RBFOX3: variants seen among roughly 807,000 people sequenced by gnomAD.
RBFOX3 encodes the protein RNA binding protein fox-1 homolog 3.
Under a neutral mutation model 48.7 loss-of-function variants are expected in RBFOX3, and 17 were observed. The ratio of observed to expected loss-of-function variants is 0.35; its 90% CI spans 0.24 to 0.52. RBFOX3 has a LOEUF of 0.52. Ranked by LOEUF, RBFOX3 falls within the 20% of genes least tolerant of loss-of-function variation. The pLI, the probability that RBFOX3 is intolerant of heterozygous loss-of-function variation, is 0.94. For synonymous variants in RBFOX3, 212 were observed against 209.5 expected (o/e 1.01, Z -0.10); for missense variants, 382 against 497.5 (o/e 0.77, Z 2.21).
the RBFOX3 span, among the ~76,000 whole-genome samples, chr17:79,650,608 C>G: frequency 2.6e-5 from 4 of 152,132 alleles, no homozygotes; most frequent in Non-Finnish European, 5.9e-5. Flanking sequence ...TACTGAAGGA[C>G]TATTAAACAG....
intron 1 of RBFOX3, among the ~76,000 whole-genome samples, chr17:79,490,990 G>C: frequency 7.1e-6 from 1 of 140,356 alleles, no homozygotes. Context: ...AGGTGTTCTG[G>C]CTTCCTAGGG....
At chr17:79,450,152 A>G (rs782401125) in intron 2 of RBFOX3, among the ~76,000 whole-genome samples, 1 of 152,206 alleles carries the variant, frequency 6.6e-6, no homozygotes, top group Non-Finnish European at 1.5e-5. Flanking sequence ...CTCTCTCAAC[A>G]TGGATGCCAG....
Position 79,199,283 on chromosome 17 carries a change from G to A in RBFOX3, c.-34+36483C>T, listed in dbSNP as rs1056948013. Among the ~76,000 whole-genome samples, 7 of 152,252 alleles carry A rather than the reference G, an allele frequency of 4.6e-5. No homozygotes were observed. Among genetic ancestry groups the A allele is most frequent in the Non-Finnish European group, 7.4e-5 (5 of 68,020 alleles). ...GCAGCACCACCCACCAGCCCCTTCC[G>A]GTGGACTTCACACCTGCACGGCACC... On this transcript the variant is annotated intron_variant, in intron 4 of 14. Transcript: ENST00000693108. This position sits in a 1 kb window ranked among gnomAD's most constrained non-coding sequence, Gnocchi z 5.1.
chr17:79,490,940 G>A (rs1043310234), intron 1 of RBFOX3, among the ~76,000 whole-genome samples: 26 of 148,814 alleles, frequency 1.7e-4, no homozygotes, highest in Non-Finnish European at 2.7e-4. Flanking sequence ...CATGGGTGAC[G>A]GGTGTCTAGG....
chr17:79,317,857 G>A (rs1196910559), intron 2 of RBFOX3, among the ~76,000 whole-genome samples: 1 of 152,162 alleles, frequency 6.6e-6, no homozygotes, highest in African/African-American at 2.4e-5. Context: ...GATTCGATCT[G>A]GCTGGCAAAT....
At chr17:79,090,966 A>C in intron 14 of RBFOX3, 81 bp from the exon 15 acceptor site, 2 of 1,416,674 alleles carry the variant, frequency 1.4e-6, no homozygotes, top group Non-Finnish European at 1.9e-6. Flanking sequence ...ACCACGTGGC[A>C]CGGGGCCCCT....
At chr17:79,139,862 T>C (rs2041555588) in intron 4 of RBFOX3, among the ~76,000 whole-genome samples, 1 of 152,202 alleles carries the variant, frequency 6.6e-6, no homozygotes, top group African/African-American at 2.4e-5. Context: ...GACGTCTTGC[T>C]GACTTCATCC....
chr17:79,176,692 G>A lies in RBFOX3; in HGVS notation c.-34+59074C>T, dbSNP rs1231510829. ...GGGGCCTAGTTAGAGCCTGGGGGAT[G>A]AGGAGGGGCTGGAATCTTCCGGGAG... On this transcript the variant is annotated intron_variant, in intron 4 of 14. Coordinates refer to ENST00000693108, the MANE Select transcript of RBFOX3 (RefSeq NM_001350451.2). Among the ~76,000 whole-genome samples the A allele has an allele frequency of 2.0e-5, 3 of 152,282 alleles. No homozygotes were observed. The East Asian group carries it at 5.8e-4, about 29-fold the overall frequency.
chr17:79,629,930 G>A, the RBFOX3 span, among the ~76,000 whole-genome samples: 1 of 152,218 alleles, frequency 6.6e-6, no homozygotes, highest in Non-Finnish European at 1.5e-5. Flanking sequence ...CAGGCTGGAA[G>A]GACACACTCC....
intron 1 of RBFOX3, among the ~76,000 whole-genome samples, chr17:79,570,832 T>A (rs1196805703): frequency 2.0e-5 from 3 of 152,200 alleles, no homozygotes; most frequent in African/African-American, 7.2e-5. Context: ...GGAGTGGGCC[T>A]GTGGGCCGGG....
chr17:79,254,515 A>G lies in RBFOX3; in HGVS notation c.-73-18710T>C, dbSNP rs2064465418. On this transcript the variant is annotated intron_variant, in intron 3 of 14. Transcript: ENST00000693108. The surrounding 1 kb of genome is among the most constrained non-coding windows in gnomAD (Gnocchi z 4.8). Reference sequence around the variant, plus strand: ...GAAGCCCTTGAGTTGCTAAGCCTGTAGGTGACCCTGACTGAGGGTTCTGGG... The same window carrying G: ...GAAGCCCTTGAGTTGCTAAGCCTGTGGGTGACCCTGACTGAGGGTTCTGGG... Among the ~76,000 whole-genome samples, 1 of 152,150 alleles carries G rather than the reference A, an allele frequency of 6.6e-6. No individual in the cohort carries two copies. The highest frequency in any genetic ancestry group is 1.5e-5 in the Non-Finnish European group (1 of 68,032).
At position 79,185,494 on chromosome 17, in the gene RBFOX3, C is replaced by G. The variant is rs75626164; in HGVS notation, c.-34+50272G>C. Among the ~76,000 whole-genome samples the G allele has an allele frequency of 4.0e-3, 609 of 152,156 alleles. 2 individuals carry two copies. Among genetic ancestry groups the G allele is most frequent in the African/African-American group, 0.014 (589 of 41,528 alleles). Reference sequence around the variant, plus strand: ...CCCTGGAGTGGCCCTTGCTGCCTCCCTCCTGAGTCAGGTTGTTCTTGCTTG... The same window carrying G: ...CCCTGGAGTGGCCCTTGCTGCCTCCGTCCTGAGTCAGGTTGTTCTTGCTTG... On this transcript the variant is annotated intron_variant, in intron 4 of 14. Coordinates refer to ENST00000693108, the MANE Select transcript of RBFOX3 (RefSeq NM_001350451.2).
At chr17:79,152,754 GAGGCAGGGCCAGAGGCGA>G (rs1278714439) in intron 4 of RBFOX3, among the ~76,000 whole-genome samples, 2 of 152,232 alleles carry the variant, frequency 1.3e-5, no homozygotes, top group Non-Finnish European at 2.9e-5. Flanking sequence ...CATAACAAAG[GAGGCAGGGCCAGAGGCGA>G]AGACAGGGCC....
chr17:79,610,795 G>A (rs2093954328), intron 1 of RBFOX3, among the ~76,000 whole-genome samples, 31 bp downstream of exon 1: 2 of 152,006 alleles, frequency 1.3e-5, no homozygotes, highest in Admixed American at 1.3e-4. Context: ...CCGCCGCAGA[G>A]CGAGGCGGGC....
At chr17:79,097,607 CT>C in intron 10 of RBFOX3, 84 bp downstream of exon 10, 1 of 1,324,986 alleles carries the variant, frequency 7.5e-7, no homozygotes, top group Non-Finnish European at 1.0e-6. Context: ...GGCCCCGCCC[CT>C]CATGCCCCGC....
At chr17:79,216,536 C>T (rs1191959881) in intron 4 of RBFOX3, among the ~76,000 whole-genome samples, 6 of 152,070 alleles carry the variant, frequency 3.9e-5, no homozygotes, top group South Asian at 2.1e-4. Context: ...ATGAGGAGCA[C>T]GTTGGGCTGA....
At chr17:79,114,471 C>T (rs1276647290) in intron 5 of RBFOX3, among the ~76,000 whole-genome samples, 1 of 152,192 alleles carries the variant, frequency 6.6e-6, no homozygotes, top group Non-Finnish European at 1.5e-5. Context: ...TGGGTGGGCT[C>T]TCTCGGCAGA....
At chr17:79,407,696 T>C (rs1024306670) in intron 2 of RBFOX3, among the ~76,000 whole-genome samples, 10 of 152,024 alleles carry the variant, frequency 6.6e-5, no homozygotes, top group African/African-American at 1.4e-4. Context: ...TTCTGCAGGA[T>C]TGCAAAGGAG....
intron 2 of RBFOX3, among the ~76,000 whole-genome samples, chr17:79,383,382 C>T (rs947877230): frequency 6.6e-6 from 1 of 152,274 alleles, no homozygotes; most frequent in Admixed American, 6.5e-5. Flanking sequence ...ACGGCCGCGG[C>T]GGTGCACCAG....
Sources: allele counts gnomAD v4.1 joint callset (sites outside exome capture counted in the v4.1 genomes callset), GRCh38; gene constraint gnomAD v4.1.1; non-coding constraint Gnocchi (gnomAD v3.1); transcripts MANE v1.5; gene names NCBI Gene and HGNC (gene_info 2026-07-23, HGNC 2026-07-21).